Variants in C13orf46 observed in about 807,000 individuals in gnomAD.
The protein encoded by C13orf46 is uncharacterized protein C13orf46.
downstream of C13orf46, among the ~76,000 whole-genome samples, chr13:113,949,935 T>C: frequency 6.6e-6 from 1 of 150,672 alleles, no homozygotes; most frequent in East Asian, 2.0e-4. Context: ...AGTGCTCCCA[T>C]CTGGAGAATA....
At chr13:113,951,686 T>G (rs2052489265), downstream of C13orf46, among the ~76,000 whole-genome samples, 1 of 152,074 alleles carries the variant, frequency 6.6e-6, no homozygotes, top group Non-Finnish European at 1.5e-5. Context: ...CTGCTCCTCC[T>G]CCAGGCCCCA....
the C13orf46 span, among the ~76,000 whole-genome samples, chr13:113,934,529 T>C: frequency 6.6e-6 from 1 of 152,206 alleles, no homozygotes; most frequent in Admixed American, 6.5e-5. Flanking sequence ...CACACATACA[T>C]GGTAAATTAC....
the C13orf46 span, among the ~76,000 whole-genome samples, chr13:113,946,656 G>A: frequency 6.6e-6 from 1 of 152,256 alleles, no homozygotes; most frequent in Non-Finnish European, 1.5e-5. Context: ...GGCCGCAGAG[G>A]ACGGAGAGCC....
Position 113,962,341 on chromosome 13 carries a change from G to A in C13orf46, c.572+2586C>T, listed in dbSNP as rs936079596. Among the ~76,000 whole-genome samples, 118 of 152,340 alleles carry A rather than the reference G, an allele frequency of 7.7e-4. 1 individual carries two copies. The highest frequency in any genetic ancestry group is 2.6e-3 in the Admixed American group (40 of 15,306). On this transcript the variant is annotated intron_variant, in intron 6 of 6. Coordinates refer to ENST00000636427, the MANE Select transcript of C13orf46 (RefSeq NM_001365455.2). ...GAATGGCGTGAACCTGGGGGGCGGA[G>A]CTTGCAGTGAGCCGAGATGGTGCCA...
intron 6 of C13orf46, among the ~76,000 whole-genome samples, chr13:113,957,647 G>T (rs1336338598): frequency 8.3e-6 from 1 of 120,106 alleles, no homozygotes; most frequent in Non-Finnish European, 1.7e-5. Context: ...CACTCTGCCT[G>T]CACCCCCTTT....
chr13:113,963,360 C>CCT (rs878857362), intron 6 of C13orf46, among the ~76,000 whole-genome samples: 13,499 of 41,474 alleles, frequency 0.33, 4,798 homozygotes, highest in Non-Finnish European at 0.48. Context: ...AGCCTCGGCC[C>CCT]GTCCTCAGCC....
chr13:113,965,836 A>ATAG (rs2052635130), intron 5 of C13orf46, among the ~76,000 whole-genome samples: 1 of 69,096 alleles, frequency 1.4e-5, no homozygotes, highest in African/African-American at 9.8e-5. Flanking sequence ...GATAATGGTG[A>ATAG]TGGTGATGAT....
At position 113,955,049 on chromosome 13, in the gene C13orf46, G is replaced by GGAGGAGCATCCGGCGGGGAT. The variant is rs2052512301; in HGVS notation, c.*1704_*1723dup. 2.2e-4 allele frequency: 41 copies of GGAGGAGCATCCGGCGGGGAT among 189,528 alleles called. No homozygotes were observed. Among genetic ancestry groups the GGAGGAGCATCCGGCGGGGAT allele is most frequent in the Middle Eastern group, 2.4e-3 (1 of 424 alleles). 11.7% of individuals were successfully genotyped at this position (189,528 alleles called of 1,614,324 possible). A position where few individuals can be genotyped will look rare whatever the true frequency, so the allele number is the denominator to read the frequency against. Reference sequence around the variant, plus strand: ...GAGGAGGAGTAGGATCTGGCGGAGAGGAGGAGCATCCGGCGGGGATGAGGA... The same window carrying GGAGGAGCATCCGGCGGGGAT: ...GAGGAGGAGTAGGATCTGGCGGAGAGGAGGAGCATCCGGCGGGGATGAGGAGCATCCGGCGGGGATGAGGA... On this transcript the variant is annotated 3_prime_UTR_variant, in exon 7 of 7. Coordinates refer to ENST00000636427, the MANE Select transcript of C13orf46 (RefSeq NM_001365455.2).
the C13orf46 span, among the ~76,000 whole-genome samples, chr13:113,933,661 G>A: frequency 3.3e-5 from 5 of 152,096 alleles, no homozygotes; most frequent in Non-Finnish European, 7.4e-5. Context: ...TCTCATTGAT[G>A]TTTCTCAGTT....
chr13:113,969,132 C>G (rs2052678202), intron 2 of C13orf46, among the ~76,000 whole-genome samples: 1 of 152,256 alleles, frequency 6.6e-6, no homozygotes, highest in Non-Finnish European at 1.5e-5. Flanking sequence ...ACCAAATGGG[C>G]CATGCTGGCC....
At chr13:113,945,205 C>T in the C13orf46 span, among the ~76,000 whole-genome samples, 7 of 152,222 alleles carry the variant, frequency 4.6e-5, no homozygotes, top group Admixed American at 1.3e-4. Context: ...GATGAGGCAT[C>T]TTCCCGGGAA....
the C13orf46 span, chr13:113,927,489 C>T: frequency 1.8e-3 from 734 of 398,746 alleles, 2 homozygotes; most frequent in Admixed American, 2.6e-3. Flanking sequence ...GCTATCTCCT[C>T]CTGCTCTGCT....
At chr13:113,947,626 TG>T in the C13orf46 span, among the ~76,000 whole-genome samples, 266 of 152,246 alleles carry the variant, frequency 1.7e-3, no homozygotes, top group Non-Finnish European at 2.3e-3. Flanking sequence ...CAGCAAGGCT[TG>T]GTTGGTTCTT....
downstream of C13orf46, among the ~76,000 whole-genome samples, chr13:113,952,685 G>A (rs1175921348): frequency 2.0e-5 from 3 of 152,240 alleles, no homozygotes; most frequent in South Asian, 4.1e-4. Flanking sequence ...CAAGGGCAGC[G>A]TCCTTCTAGG....
At chr13:113,948,971 T>C (rs1234050204), downstream of C13orf46, among the ~76,000 whole-genome samples, 1 of 152,182 alleles carries the variant, frequency 6.6e-6, no homozygotes. Flanking sequence ...CAAGGTAGCT[T>C]TAGGGTGGGA....
the C13orf46 span, among the ~76,000 whole-genome samples, chr13:113,945,062 A>G: frequency 4.5e-5 from 6 of 133,148 alleles, no homozygotes; most frequent in South Asian, 2.5e-4. Flanking sequence ...GTGTGTGATG[A>G]GTCCTCCAGG....
chr13:113,937,083 A>G, the C13orf46 span, among the ~76,000 whole-genome samples: 1 of 152,242 alleles, frequency 6.6e-6, no homozygotes. Context: ...AATGTCTCCC[A>G]GAGTTAGCTT....
chr13:113,965,550 G>A (rs1224040652), intron 5 of C13orf46, among the ~76,000 whole-genome samples: 3 of 152,102 alleles, frequency 2.0e-5, no homozygotes, highest in African/African-American at 7.3e-5. Flanking sequence ...TGATAATGTT[G>A]ATGGTGATGA....
intron 5 of C13orf46, among the ~76,000 whole-genome samples, chr13:113,966,746 G>A (rs2052654393): frequency 1.3e-5 from 2 of 151,916 alleles, no homozygotes; most frequent in African/African-American, 2.4e-5. Context: ...TGATGATGAT[G>A]GTTGTGATAT....
Sources: allele counts gnomAD v4.1 joint callset (sites outside exome capture counted in the v4.1 genomes callset), GRCh38; gene constraint gnomAD v4.1.1; transcripts MANE v1.5; gene names NCBI Gene and HGNC (gene_info 2026-07-23, HGNC 2026-07-21).